EPHA3: variants seen among roughly 807,000 people sequenced by gnomAD.
The protein encoded by EPHA3 is EPH receptor A3, also known as ephrin type-A receptor 3.
Under a neutral mutation model 107.1 loss-of-function variants are expected in EPHA3, and 42 were observed. That is an observed-to-expected ratio of 0.39 (90% CI 0.31 to 0.51). The LOEUF (loss-of-function observed/expected upper bound fraction) is 0.51, where lower values mean the gene tolerates loss of function less well. Ranked by LOEUF, EPHA3 falls within the 20% of genes least tolerant of loss-of-function variation. The pLI, the probability that EPHA3 is intolerant of heterozygous loss-of-function variation, is 0.78. For missense variants in EPHA3, 1,183 were observed against 1,211.2 expected (o/e 0.98, Z 0.35); for synonymous variants, 461 against 424.8 (o/e 1.09, Z -1.05).
chr3:89,280,217 G>C (rs114832177), intron 3 of EPHA3, among the ~76,000 whole-genome samples: 243 of 152,216 alleles, frequency 1.6e-3, no homozygotes, highest in African/African-American at 5.8e-3. Context: ...AATAACTTTT[G>C]AATACCATTT....
chr3:89,118,632 A>G (rs1707309734), intron 1 of EPHA3, among the ~76,000 whole-genome samples: 1 of 151,898 alleles, frequency 6.6e-6, no homozygotes, highest in Non-Finnish European at 1.5e-5. Flanking sequence ...AGAATCATTA[A>G]AATGAGTCAA....
intron 3 of EPHA3, among the ~76,000 whole-genome samples, chr3:89,212,250 C>A (rs1205405773): frequency 6.6e-6 from 1 of 151,818 alleles, no homozygotes; most frequent in East Asian, 1.9e-4. Context: ...CTTTAATTTA[C>A]CATGTATATA....
intron 1 of EPHA3, among the ~76,000 whole-genome samples, chr3:89,119,060 C>A (rs922132901): frequency 6.6e-6 from 1 of 151,666 alleles, no homozygotes; most frequent in Non-Finnish European, 1.5e-5. Context: ...TAATTTTAAC[C>A]CAGATTTATT....
At chr3:89,429,190 C>A in intron 12 of EPHA3, 23 bp downstream of exon 12, 1 of 1,564,954 alleles carries the variant, frequency 6.4e-7, no homozygotes, top group Non-Finnish European at 8.8e-7. Flanking sequence ...CACACACATA[C>A]ATATATATGA....
chr3:89,129,510 A>G (rs1704157700), intron 2 of EPHA3, among the ~76,000 whole-genome samples: 1 of 152,040 alleles, frequency 6.6e-6, no homozygotes, highest in African/African-American at 2.4e-5. Flanking sequence ...GTGGTGATAT[A>G]TAGTGTATAT....
At position 89,342,025 on chromosome 3, in the gene EPHA3, G is replaced by C; in HGVS notation, c.1241G>C (p.Gly414Ala). 1 of 1,611,834 alleles carries C rather than the reference G, an allele frequency of 6.2e-7. No individual in the cohort carries two copies. Residue 414 changes from glycine to alanine, a missense_variant, in exon 5 of 17, where the codon GGG (glycine) becomes GCG (alanine). Coordinates refer to ENST00000336596, the MANE Select transcript of EPHA3 (RefSeq NM_005233.6). ...NYTFEIDAVNGVSELSSPPRQ... is the reference protein window; with the variant it reads ...NYTFEIDAVNAVSELSSPPRQ... ...ACCTTTGAGATTGATGCCGTTAATG[G>C]GGTGTCAGAGCTGAGCTCCCCACCA...
At chr3:89,368,041 G>A (rs1172280988) in intron 5 of EPHA3, among the ~76,000 whole-genome samples, 6 of 150,444 alleles carry the variant, frequency 4.0e-5, no homozygotes, top group Admixed American at 6.7e-5. Context: ...GCTAACTTGG[G>A]CCTTATCCAA....
intron 3 of EPHA3, among the ~76,000 whole-genome samples, chr3:89,235,535 G>T (rs1704738559): frequency 1.3e-5 from 2 of 151,700 alleles, no homozygotes; most frequent in South Asian, 4.2e-4. Context: ...TTCTTCATAT[G>T]CATGTAAGAG....
chr3:89,415,492 A>ATATATATATATATATATATATAT (rs35710348), intron 10 of EPHA3, among the ~76,000 whole-genome samples: 1 of 146,260 alleles, frequency 6.8e-6, no homozygotes, highest in African/African-American at 2.5e-5. Context: ...ATATATATAT[A>ATATATATATATATATATATATAT]AGCTAATTCT....
intron 3 of EPHA3, among the ~76,000 whole-genome samples, chr3:89,235,947 A>G (rs1336849935): frequency 6.6e-6 from 1 of 152,110 alleles, no homozygotes; most frequent in Non-Finnish European, 1.5e-5. Context: ...CCCACAAAGC[A>G]AACATATATA....
chr3:89,308,284 C>G (rs866595804), intron 3 of EPHA3, among the ~76,000 whole-genome samples: 9 of 152,184 alleles, frequency 5.9e-5, no homozygotes, highest in Middle Eastern at 3.4e-3. Flanking sequence ...TTGCATGATA[C>G]AAACAGTTTG....
intron 13 of EPHA3, among the ~76,000 whole-genome samples, chr3:89,434,246 C>T (rs1709623099): frequency 6.6e-6 from 1 of 152,004 alleles, no homozygotes; most frequent in Non-Finnish European, 1.5e-5. Flanking sequence ...GAGACAGAGC[C>T]TCACGTTGTC....
In EPHA3 at chr3:89,353,450, T is replaced by C. The variant is rs572775592; in HGVS notation, c.1306+11360T>C. Reference sequence around the variant, plus strand: ...TAATGAAACCTAAAAATCAAAGTCTTAACATTTTGTTTATCTCAACAAACA... The same window carrying C: ...TAATGAAACCTAAAAATCAAAGTCTCAACATTTTGTTTATCTCAACAAACA... On this transcript the variant is annotated intron_variant, in intron 5 of 16. Coordinates refer to ENST00000336596, the MANE Select transcript of EPHA3 (RefSeq NM_005233.6). Among the ~76,000 whole-genome samples the C allele has an allele frequency of 4.5e-4, 68 of 151,520 alleles. 4 individuals carry two copies. The highest frequency in any genetic ancestry group is 9.2e-4 in the Admixed American group (14 of 15,154).
At chr3:89,149,172 T>G (rs1426462520) in intron 2 of EPHA3, among the ~76,000 whole-genome samples, 1 of 152,032 alleles carries the variant, frequency 6.6e-6, no homozygotes, top group African/African-American at 2.4e-5. Flanking sequence ...GGTTTCTACC[T>G]GAAACCAGAT....
chr3:89,349,983 T>A (rs1228192727), intron 5 of EPHA3, among the ~76,000 whole-genome samples: 2 of 150,100 alleles, frequency 1.3e-5, no homozygotes, highest in Non-Finnish European at 3.0e-5. Flanking sequence ...TGCCGAGAGA[T>A]CCGCTGTTAG....
chr3:89,370,831 GA>G (rs1180878198), intron 5 of EPHA3, among the ~76,000 whole-genome samples: 3 of 151,560 alleles, frequency 2.0e-5, no homozygotes, highest in African/African-American at 4.8e-5. Context: ...CAAATTACCT[GA>G]AACAGGTTGT....
At chr3:89,152,079 A>G (rs958858095) in intron 2 of EPHA3, among the ~76,000 whole-genome samples, 8 of 152,060 alleles carry the variant, frequency 5.3e-5, no homozygotes, top group Non-Finnish European at 8.8e-5. Context: ...TTCAGTGCAT[A>G]TGTTTATGTT....
chr3:89,186,567 C>T (rs1350321594), intron 2 of EPHA3, among the ~76,000 whole-genome samples: 3 of 152,032 alleles, frequency 2.0e-5, no homozygotes, highest in Admixed American at 6.6e-5. Context: ...ATTAGTTGTG[C>T]TTGTATAGTA....
At chr3:89,434,630 A>G (rs977053834) in intron 13 of EPHA3, among the ~76,000 whole-genome samples, 1 of 152,206 alleles carries the variant, frequency 6.6e-6, no homozygotes, top group Non-Finnish European at 1.5e-5. Flanking sequence ...GTCCAACTTT[A>G]GATGATTCAT....
Sources: gnomAD v4.1 joint callset for allele counts (sites outside exome capture counted in the v4.1 genomes callset) on GRCh38, gnomAD v4.1.1 for gene constraint, MANE v1.5 for transcripts, NCBI Gene and HGNC (gene_info 2026-07-23, HGNC 2026-07-21) for gene names.